Variants in GNAI2 observed in about 807,000 individuals in gnomAD.
GNAI2 encodes the protein guanine nucleotide-binding protein G(i) subunit alpha-2.
Under a neutral mutation model 36.8 loss-of-function variants are expected in GNAI2, and 4 were observed. The ratio of observed to expected loss-of-function variants is 0.11; its 90% CI spans 0.05 to 0.25. GNAI2 has a LOEUF of 0.25. Ranked by LOEUF, GNAI2 falls within the 10% of genes least tolerant of loss-of-function variation. The pLI is 1.00. For synonymous variants in GNAI2, 194 were observed against 194.1 expected, an observed-to-expected ratio of 1.00 and a Z score of 0.01; for missense variants, 230 against 481.3, an observed-to-expected ratio of 0.48 and a Z score of 4.89.
chr3:50,256,300 C>T lies in GNAI2; in HGVS notation c.573C>T (p.Thr191=). ...CGGGGATCGTGGAGACACACTTCAC[C>T]TTCAAGGACCTACACTTCAAGTGAG... ...KTTGIVETHF[T]FKDLHFKMFD... The change falls in exon 5 of 9, where the codon ACC becomes ACT. Residue 191 remains threonine (T), a synonymous_variant. Coordinates refer to ENST00000313601, the MANE Select transcript of GNAI2 (RefSeq NM_002070.4). 6.2e-7 allele frequency: 1 copy of T among 1,613,964 alleles called. No homozygotes were observed. Among genetic ancestry groups the T allele is most frequent in the Non-Finnish European group, 8.5e-7 (1 of 1,179,844 alleles).
chr3:50,258,255 TC>T (rs1700760273), intron 8 of GNAI2, 112 bp from the exon 9 acceptor site: 2 of 153,016 alleles, frequency 1.3e-5, no homozygotes, highest in Non-Finnish European at 2.9e-5. Context: ...GGCAACTGTG[TC>T]CCTGGTAACA....
intron 1 of GNAI2, chr3:50,251,215 C>T (rs1201294765): frequency 1.1e-5 from 3 of 271,150 alleles, no homozygotes; most frequent in Non-Finnish European, 1.7e-5. Flanking sequence ...CCTCCACCCT[C>T]TTGCCCTTCT....
chr3:50,240,838 G>C (rs1490793321), intron 1 of GNAI2, among the ~76,000 whole-genome samples: 1 of 149,130 alleles, frequency 6.7e-6, no homozygotes, highest in Non-Finnish European at 1.5e-5. Context: ...AGAATCGCTT[G>C]AACCTGGGAA....
At chr3:50,256,625 C>A in intron 5 of GNAI2, 98 bp from the exon 6 acceptor site, 1 of 1,317,586 alleles carries the variant, frequency 7.6e-7, no homozygotes, top group Non-Finnish European at 1.1e-6. Context: ...CTGCCCTACT[C>A]TGGGCAGGCC....
At chr3:50,248,800 G>A (rs1700479602) in intron 1 of GNAI2, among the ~76,000 whole-genome samples, 1 of 152,080 alleles carries the variant, frequency 6.6e-6, no homozygotes, top group Non-Finnish European at 1.5e-5. Context: ...GCCTTAGGAG[G>A]GGAAAATGAA....
chr3:50,230,579 C>T (rs1553699710), upstream of GNAI2: 1 of 152,536 alleles, frequency 6.6e-6, no homozygotes, highest in East Asian at 1.9e-4. Context: ...CTGAGAGGGT[C>T]TTCATTCCTC....
chr3:50,257,054 C>A lies in GNAI2; in HGVS notation c.841C>A (p.His281Asn). 1 of 1,614,024 alleles carries A rather than the reference C, an allele frequency of 6.2e-7. No individual in the cohort carries two copies. The highest frequency in any genetic ancestry group is 8.5e-7 in the Non-Finnish European group (1 of 1,179,848). The change falls in exon 7 of 9, where the codon CAC becomes AAC. Residue 281 changes from histidine (H) to asparagine (N), a missense_variant. Physicochemically the swap from His to Asn is moderately conservative, Grantham distance 68 (BLOSUM62 1). Coordinates refer to ENST00000313601, the MANE Select transcript of GNAI2 (RefSeq NM_002070.4). ...KKDLFEEKIT[H>N]SPLTICFPEY... is the part of the protein sequence containing the mutation. Reference sequence around the variant, plus strand: ...GGACCTGTTTGAGGAGAAGATCACACACAGTCCCCTGACCATCTGCTTCCC... The same window carrying A: ...GGACCTGTTTGAGGAGAAGATCACAAACAGTCCCCTGACCATCTGCTTCCC...
chr3:50,259,116 CA>C lies in GNAI2; in HGVS notation c.*775del, dbSNP rs1553703746. ...ATTGGGTTCCAAGGGCTGTTCCAGA[CA>C]ACTGCCAACGTCACTGAGGGCCCTG... On this transcript the variant is annotated 3_prime_UTR_variant, in exon 9 of 9. Coordinates refer to ENST00000313601, the MANE Select transcript of GNAI2 (RefSeq NM_002070.4). 3.1e-5 allele frequency: 11 copies of C among 355,386 alleles called. No homozygotes were observed. The East Asian group carries it at 8.5e-4, about 27-fold the overall frequency. The allele number at this position is 355,386 out of a possible 1,614,324, so 22.0% of individuals were successfully genotyped here.
At chr3:50,240,923 AAAAAAAAAAAAAAG>A (rs1553700989) in intron 1 of GNAI2, among the ~76,000 whole-genome samples, 1 of 139,550 alleles carries the variant, frequency 7.2e-6, no homozygotes, top group African/African-American at 3.1e-5. Flanking sequence ...TGTCTCAAAA[AAAAAAAAAAAAAAG>A]AAAAAAAAAG....
At chr3:50,233,594 T>A (rs1275520128), upstream of GNAI2, among the ~76,000 whole-genome samples, 1 of 152,222 alleles carries the variant, frequency 6.6e-6, no homozygotes, top group African/African-American at 2.4e-5. Flanking sequence ...ATCTGAGGCA[T>A]GTTGGAGACT....
chr3:50,258,739 A>C lies in GNAI2; in HGVS notation c.*396A>C. 1 of 347,930 alleles carries C rather than the reference A, an allele frequency of 2.9e-6. No individual in the cohort carries two copies. Among genetic ancestry groups the C allele is most frequent in the South Asian group, 2.2e-5 (1 of 44,530 alleles). 21.6% of individuals were successfully genotyped at this position (347,930 alleles called of 1,614,324 possible). A position where few individuals can be genotyped will look rare whatever the true frequency, so the allele number is the denominator to read the frequency against. On this transcript the variant is annotated 3_prime_UTR_variant, in exon 9 of 9. Coordinates refer to ENST00000313601, the MANE Select transcript of GNAI2 (RefSeq NM_002070.4). ...CCAACACCAGCCCCTGCCCCAGCCC[A>C]AGTCCAAATGTTTACAGGGAGCCTC... is the stretch of plus-strand genomic sequence containing the variant.
At chr3:50,249,519 C>T (rs949983474) in intron 1 of GNAI2, among the ~76,000 whole-genome samples, 1 of 152,096 alleles carries the variant, frequency 6.6e-6, no homozygotes, top group East Asian at 1.9e-4. Flanking sequence ...GTACACACCC[C>T]AGTGAAGATA....
chr3:50,236,479 C>G lies in GNAI2; in HGVS notation c.118+26C>G. 1 of 1,562,002 alleles carries G rather than the reference C, an allele frequency of 6.4e-7. No homozygotes were observed. The highest frequency in any genetic ancestry group is 1.7e-4 in the Middle Eastern group (1 of 5,902). ...GTGAGGCCGCGTCCCGCACTGGGAT[C>G]CTTGATTCCCAGCTCGAATCCCCAG... On this transcript the variant is annotated intron_variant, in intron 1 of 8. Coordinates refer to ENST00000313601, the MANE Select transcript of GNAI2 (RefSeq NM_002070.4). This position sits in a 1 kb window ranked among gnomAD's most constrained non-coding sequence, Gnocchi z 4.0.
chr3:50,235,980 C>G (rs1431428724), upstream of GNAI2: 2 of 162,984 alleles, frequency 1.2e-5, no homozygotes, highest in Non-Finnish European at 2.6e-5. Context: ...TTGGAACCAC[C>G]CCTATTGCCT....
At position 50,241,295 on chromosome 3, in the gene GNAI2, C is replaced by T. The variant is rs1424837981; in HGVS notation, c.118+4842C>T. ...ATTAGCACTTGAATGGGGGGCGGGG[C>T]GGCTTGGGCCTCTGAGTCTCTTCTT... On this transcript the variant is annotated intron_variant, in intron 1 of 8. Transcript: ENST00000313601. The surrounding 1 kb of genome is among the most constrained non-coding windows in gnomAD (Gnocchi z 5.0). Among the ~76,000 whole-genome samples, 15 of 152,276 alleles carry T rather than the reference C, an allele frequency of 9.9e-5. No individual in the cohort carries two copies. The highest frequency in any genetic ancestry group is 7.8e-4 in the Admixed American group (12 of 15,302).
rs1575452033 is a variant in GNAI2, at chr3:50,252,441, A to C, written c.206A>C (p.Tyr69Ser). 1 of 1,613,674 alleles carries C rather than the reference A, an allele frequency of 6.2e-7. No individual in the cohort carries two copies. Among genetic ancestry groups the C allele is most frequent in the Non-Finnish European group, 8.5e-7 (1 of 1,179,880 alleles). ...DGYSEEECRQ[Y>S]RAVVYSNTIQ... ...TACTCCGAGGAGGAATGCCGGCAGT[A>C]CCGGGCGGTTGTCTACAGCAACACC... is the stretch of plus-strand genomic sequence containing the variant. The change falls in exon 3 of 9, where the codon TAC becomes TCC. Residue 69 changes from tyrosine to serine, a missense_variant. Coordinates refer to ENST00000313601, the MANE Select transcript of GNAI2 (RefSeq NM_002070.4). The surrounding 1 kb of genome is among the most constrained non-coding windows in gnomAD (Gnocchi z 4.1).
chr3:50,251,754 C>A, intron 1 of GNAI2: 1 of 1,318,784 alleles, frequency 7.6e-7, no homozygotes, highest in Non-Finnish European at 9.9e-7. Context: ...GTTGGCGAGC[C>A]TATGTATGTG....
At chr3:50,249,044 G>T (rs1198448831) in intron 1 of GNAI2, among the ~76,000 whole-genome samples, 4 of 152,110 alleles carry the variant, frequency 2.6e-5, no homozygotes, top group Admixed American at 2.0e-4. Flanking sequence ...ACTCTCAGTG[G>T]CCAGATAGGG....
At chr3:50,240,918 CAAA>C (rs11302773) in intron 1 of GNAI2, among the ~76,000 whole-genome samples, 10 of 86,726 alleles carry the variant, frequency 1.2e-4, no homozygotes, top group Admixed American at 3.3e-4. Flanking sequence ...GACTCTGTCT[CAAA>C]AAAAAAAAAA....
Sources: allele counts gnomAD v4.1 joint callset (sites outside exome capture counted in the v4.1 genomes callset), GRCh38; gene constraint gnomAD v4.1.1; non-coding constraint Gnocchi (gnomAD v3.1); transcripts MANE v1.5; gene names NCBI Gene and HGNC (gene_info 2026-07-23, HGNC 2026-07-21).